Variants in CPLX1 observed in about 807,000 individuals in gnomAD.
CPLX1 encodes complexin-1.
CPLX1 carries 6 observed loss-of-function variants against 15.6 expected under a neutral mutation model. That is an observed-to-expected ratio of 0.39 (90% CI 0.21 to 0.76). CPLX1 has a LOEUF of 0.76. Among genes scored for constraint, CPLX1 ranks in the 30% least tolerant of loss-of-function variants. The pLI, the probability that CPLX1 is intolerant of heterozygous loss-of-function variation, is 0.43. For synonymous variants in CPLX1, 91 were observed against 75.2 expected (o/e 1.21, Z -1.08); for missense variants, 242 against 188.6 (o/e 1.28, Z -1.66).
In CPLX1 at chr4:792,529, C is replaced by A. The variant is rs768248598; in HGVS notation, c.111G>T (p.Arg37=). 1.2e-6 allele frequency: 2 copies of A among 1,613,456 alleles called. No individual in the cohort carries two copies. Among genetic ancestry groups the A allele is most frequent in the Admixed American group, 3.3e-5 (2 of 60,016 alleles). Residue 37 remains arginine (R), a synonymous_variant, in exon 3 of 4, where the codon CGG becomes CGT. Transcript: ENST00000304062. ...CCTCCGCCTGGCGCAGCGCCTCCTG[C>A]CGCTCCTCCTCCTTCTTGGCGGCGT... ...DPDAAKKEEE[R]QEALRQAEEE...
chr4:800,562 ATATG>A (rs1231084061), intron 2 of CPLX1, among the ~76,000 whole-genome samples: 2 of 125,606 alleles, frequency 1.6e-5, no homozygotes, highest in Admixed American at 8.1e-5. Context: ...ATATATAAAT[ATATG>A]TGTGTGTGTG....
At position 786,713 on chromosome 4, in the gene CPLX1, G is replaced by C. The variant is rs747982257; in HGVS notation, c.208-15C>G. On this transcript the variant is annotated splice_polypyrimidine_tract_variant and intron_variant, in intron 3 of 3. Coordinates refer to ENST00000304062, the MANE Select transcript of CPLX1 (RefSeq NM_006651.4). Reference sequence around the variant, plus strand: ...TTGATGCCGTACTGCGGGGGAGGCGGGGGTCAGGGCGGGGGTCCCGGCGGC... The same window carrying C: ...TTGATGCCGTACTGCGGGGGAGGCGCGGGTCAGGGCGGGGGTCCCGGCGGC... 3.8e-6 allele frequency: 6 copies of C among 1,582,346 alleles called. No homozygotes were observed. In the South Asian group the frequency reaches 4.6e-5, roughly 12 times the overall value.
At chr4:786,734 G>A in intron 3 of CPLX1, 36 bp from the exon 4 acceptor site, 1 of 1,549,718 alleles carries the variant, frequency 6.5e-7, no homozygotes, top group African/African-American at 1.4e-5. Context: ...GGGGGTCCCG[G>A]CGGCTCCCGG....
At chr4:795,367 C>T (rs1423817116) in intron 2 of CPLX1, among the ~76,000 whole-genome samples, 3 of 152,210 alleles carry the variant, frequency 2.0e-5, no homozygotes, top group Non-Finnish European at 2.9e-5. Flanking sequence ...CCCGCGACCC[C>T]GCCGGACCCT....
At chr4:802,088 C>A (rs113954595) in intron 2 of CPLX1, among the ~76,000 whole-genome samples, 7 of 152,304 alleles carry the variant, frequency 4.6e-5, no homozygotes, top group African/African-American at 1.7e-4. Flanking sequence ...TAAGTTCACA[C>A]AATGGCAGGA....
chr4:801,892 G>C (rs748872242), intron 2 of CPLX1, among the ~76,000 whole-genome samples: 2 of 152,218 alleles, frequency 1.3e-5, no homozygotes, highest in African/African-American at 2.4e-5. Context: ...AAATTAAAAA[G>C]ACTGACTGTG....
At chr4:807,353 T>C (rs1420246748) in intron 2 of CPLX1, among the ~76,000 whole-genome samples, 3 of 152,036 alleles carry the variant, frequency 2.0e-5, no homozygotes, top group Non-Finnish European at 2.9e-5. Context: ...TCAAGAAAAA[T>C]AGCTAATGCA....
chr4:800,855 A>G lies in CPLX1; in HGVS notation c.32-8247T>C, dbSNP rs149280969. 6.3e-3 allele frequency among the ~76,000 whole-genome samples: 938 copies of G among 149,818 alleles called. 5 individuals are homozygous for G. The highest frequency in any genetic ancestry group is 0.01 in the Middle Eastern group (3 of 286). On this transcript the variant is annotated intron_variant, in intron 2 of 3. Transcript: ENST00000304062. ...TGTGTGTGTGTATATATATGTATATATATATATATATATTAGCCAGACATG... is the reference window on the plus strand; with the variant it reads ...TGTGTGTGTGTATATATATGTATATGTATATATATATATTAGCCAGACATG...
chr4:792,708 C>T, intron 2 of CPLX1, 100 bp from the exon 3 acceptor site: 1 of 1,341,772 alleles, frequency 7.5e-7, no homozygotes, highest in Non-Finnish European at 1.0e-6. Context: ...ACCCCCCAAA[C>T]CCTCCATCCA....
rs530330151 is a variant in CPLX1, at chr4:802,820, A to G, written c.32-10212T>C. On this transcript the variant is annotated intron_variant, in intron 2 of 3. Coordinates refer to ENST00000304062, the MANE Select transcript of CPLX1 (RefSeq NM_006651.4). The stretch of plus-strand genomic sequence containing the variant: ...ACAAAAATTAGCTGGGCTTGATGGC[A>G]CATGTCTGTAATTCCAGCTACTCAG... Among the ~76,000 whole-genome samples the G allele has an allele frequency of 4.6e-5, 7 of 152,204 alleles. No homozygotes were observed. The South Asian group carries it at 1.5e-3, about 32-fold the overall frequency.
chr4:801,161 A>C (rs1746449009), intron 2 of CPLX1, among the ~76,000 whole-genome samples: 2 of 151,172 alleles, frequency 1.3e-5, no homozygotes, highest in Admixed American at 6.6e-5. Flanking sequence ...AAAAAAAAAA[A>C]AAATGCAAAA....
At chr4:819,454 T>G (rs1254210599) in intron 2 of CPLX1, among the ~76,000 whole-genome samples, 1 of 152,264 alleles carries the variant, frequency 6.6e-6, no homozygotes, top group Non-Finnish European at 1.5e-5. Context: ...GAGTGCTTTC[T>G]CGACCACACG....
At chr4:793,239 G>C (rs1300284807) in intron 2 of CPLX1, among the ~76,000 whole-genome samples, 3 of 152,294 alleles carry the variant, frequency 2.0e-5, no homozygotes, top group East Asian at 1.9e-4. Context: ...CAGAGGCAAG[G>C]TCACCAAGTC....
intron 2 of CPLX1, among the ~76,000 whole-genome samples, chr4:793,638 C>A (rs898337887): frequency 2.6e-5 from 4 of 152,184 alleles, no homozygotes; most frequent in Non-Finnish European, 4.4e-5. Flanking sequence ...CACTTATAGC[C>A]CTCAGCGTTG....
chr4:822,482 G>T lies in CPLX1; in HGVS notation c.31+2010C>A, dbSNP rs192185867. ...TGTTTTCACCTGTCTGTCCCTGTGC[G>T]TGCTGAATAACACATTCTTGTCTTT... On this transcript the variant is annotated intron_variant, in intron 2 of 3. Transcript: ENST00000304062. Among the ~76,000 whole-genome samples the T allele has an allele frequency of 3.9e-5, 6 of 152,116 alleles. No individual in the cohort carries two copies. In the South Asian group the frequency reaches 1.2e-3, roughly 32 times the overall value.
At chr4:816,305 G>A (rs7688925) in intron 2 of CPLX1, among the ~76,000 whole-genome samples, 102,157 of 148,200 alleles carry the variant, frequency 0.69, 35,321 homozygotes, top group East Asian at 0.83. Context: ...TGCAACTTCC[G>A]CCTCCCGGGT....
chr4:825,835 C>T (rs1746972888), intron 1 of CPLX1, among the ~76,000 whole-genome samples: 1 of 122,598 alleles, frequency 8.2e-6, no homozygotes, highest in Admixed American at 8.0e-5. Flanking sequence ...GGGGGAGAAG[C>T]CGGAGCCGGG....
At chr4:791,837 C>T (rs1277591360) in intron 3 of CPLX1, among the ~76,000 whole-genome samples, 1 of 152,138 alleles carries the variant, frequency 6.6e-6, no homozygotes, top group East Asian at 1.9e-4. Flanking sequence ...GCTGGAGACT[C>T]CTCCAGGCTG....
At chr4:805,274 TAGA>T (rs1486180433) in intron 2 of CPLX1, among the ~76,000 whole-genome samples, 1 of 152,152 alleles carries the variant, frequency 6.6e-6, no homozygotes, top group Non-Finnish European at 1.5e-5. Context: ...TATCTAAAGA[TAGA>T]AGGAGGATCG....
Sources: gnomAD v4.1 joint callset for allele counts (sites outside exome capture counted in the v4.1 genomes callset) on GRCh38, gnomAD v4.1.1 for gene constraint, MANE v1.5 for transcripts, NCBI Gene and HGNC (gene_info 2026-07-23, HGNC 2026-07-21) for gene names.